Variants in APOOL observed in about 807,000 individuals in gnomAD.
The protein encoded by APOOL is MICOS complex subunit MIC27.
In APOOL, 12 loss-of-function variants were observed where a neutral mutation model predicts 23.1. That is an observed-to-expected ratio of 0.52 (90% CI 0.33 to 0.84). The LOEUF is 0.84. Among genes scored for constraint, APOOL ranks in the 40% least tolerant of loss-of-function variants. The pLI, the probability that APOOL is intolerant of heterozygous loss-of-function variation, is 0.02. For synonymous variants in APOOL, 77 were observed against 69.9 expected, an observed-to-expected ratio of 1.10 and a Z score of -0.51; for missense variants, 212 against 199.6, an observed-to-expected ratio of 1.06 and a Z score of -0.37.
intron 1 of APOOL, among the ~76,000 whole-genome samples, chrX:85,005,259 T>G (rs1239786728): frequency 9.0e-6 from 1 of 110,705 alleles, no homozygotes; most frequent in African/African-American, 3.3e-5. Flanking sequence ...TTCTCCTGCC[T>G]CAGTCTCCTG....
chrX:85,084,944 T>C (rs773279782), intron 8 of APOOL, among the ~76,000 whole-genome samples: 4 of 111,147 alleles, frequency 3.6e-5, no homozygotes, highest in Admixed American at 1.9e-4. Context: ...ATAAAACTTG[T>C]TGCACACTTT....
chrX:85,064,138 A>C (rs953585391), intron 5 of APOOL, among the ~76,000 whole-genome samples: 1 of 110,433 alleles, frequency 9.1e-6, no homozygotes, highest in Non-Finnish European at 1.9e-5. Flanking sequence ...ATTCATTTTT[A>C]GATTCTATAG....
intron 1 of APOOL, among the ~76,000 whole-genome samples, chrX:85,036,317 A>T (rs1336151603): frequency 8.9e-6 from 1 of 112,024 alleles, no homozygotes; most frequent in Non-Finnish European, 1.9e-5. Context: ...TGATTTTTCA[A>T]ATATTTATTT....
chrX:85,026,669 G>T (rs977774126), intron 1 of APOOL, among the ~76,000 whole-genome samples: 4 of 111,093 alleles, frequency 3.6e-5, no homozygotes, highest in African/African-American at 1.3e-4. Flanking sequence ...TACCAGATAG[G>T]CTAGGTCATC....
chrX:85,039,038 T>G (rs1490746764), intron 1 of APOOL, among the ~76,000 whole-genome samples: 1 of 110,876 alleles, frequency 9.0e-6, no homozygotes, highest in Non-Finnish European at 1.9e-5. Context: ...ATGTGGATTT[T>G]CAGTGCTATA....
chrX:85,010,199 A>G (rs913754157), intron 1 of APOOL, among the ~76,000 whole-genome samples: 2 of 111,763 alleles, frequency 1.8e-5, no homozygotes, highest in South Asian at 3.7e-4. Context: ...ACCGTCGTCA[A>G]TGTTTCAGAT....
intron 1 of APOOL, among the ~76,000 whole-genome samples, chrX:85,010,806 A>T (rs1348904008): frequency 2.7e-5 from 3 of 112,093 alleles, no homozygotes; most frequent in Non-Finnish European, 5.6e-5. Flanking sequence ...TGCTGTAAAC[A>T]TGCATGTGCA....
intron 1 of APOOL, among the ~76,000 whole-genome samples, chrX:85,023,992 C>T (rs1921757221): frequency 8.9e-6 from 1 of 111,774 alleles, no homozygotes; most frequent in Non-Finnish European, 1.9e-5. Flanking sequence ...TGTTTAGTGA[C>T]TTTCTTGGAC....
chrX:85,013,329 C>T (rs1402238394), intron 1 of APOOL, among the ~76,000 whole-genome samples: 1 of 110,823 alleles, frequency 9.0e-6, no homozygotes, highest in Non-Finnish European at 1.9e-5. Context: ...TTTATTTGGT[C>T]CTGCTCTGAT....
intron 6 of APOOL, among the ~76,000 whole-genome samples, chrX:85,070,703 G>T (rs1923636411): frequency 9.1e-6 from 1 of 109,847 alleles, no homozygotes; most frequent in South Asian, 4.0e-4. Context: ...TATATACCCA[G>T]AACTTGTTCA....
At chrX:85,055,636 T>C (rs1922934087) in intron 4 of APOOL, among the ~76,000 whole-genome samples, 191 bp from the exon 5 acceptor site, 1 of 111,857 alleles carries the variant, frequency 8.9e-6, no homozygotes, top group African/African-American at 3.2e-5. Context: ...AGGAAAATTT[T>C]ATTTTGTAAC....
intron 8 of APOOL, among the ~76,000 whole-genome samples, chrX:85,081,252 C>T (rs936474400): frequency 7.2e-5 from 8 of 111,547 alleles, no homozygotes; most frequent in African/African-American, 2.0e-4. Flanking sequence ...ATGTTTAGTG[C>T]TTCCTTCAGG....
chrX:85,009,845 T>A (rs374459087), intron 1 of APOOL, among the ~76,000 whole-genome samples: 11 of 111,086 alleles, frequency 9.9e-5, no homozygotes, highest in African/African-American at 3.6e-4. Context: ...TTGTAAGTTC[T>A]CATCATTTAA....
intron 1 of APOOL, among the ~76,000 whole-genome samples, chrX:85,046,048 T>C (rs1027256786): frequency 9.9e-5 from 11 of 111,362 alleles, no homozygotes; most frequent in East Asian, 2.8e-4. Flanking sequence ...TTCACTGATA[T>C]ATTCTAAGCA....
At chrX:85,044,354 T>G (rs1922502915) in intron 1 of APOOL, among the ~76,000 whole-genome samples, 1 of 109,774 alleles carries the variant, frequency 9.1e-6, no homozygotes, top group East Asian at 2.8e-4. Flanking sequence ...CTATTTCGGC[T>G]CGCTGCAACC....
intron 5 of APOOL, among the ~76,000 whole-genome samples, chrX:85,059,027 C>A (rs1168331722): frequency 1.4e-5 from 1 of 71,147 alleles, no homozygotes; most frequent in African/African-American, 5.5e-5. Flanking sequence ...TCCCTCCCCC[C>A]GCCCCCCACC....
In APOOL at chrX:85,089,659, A is replaced by G. The variant is rs747462313; in HGVS notation, c.*1981A>G. 7 of 110,982 alleles carry G rather than the reference A, an allele frequency of 6.3e-5. No individual in the cohort carries two copies. The highest frequency in any genetic ancestry group is 9.4e-5 in the Non-Finnish European group (5 of 53,043). The allele number at this position is 110,982 out of a possible 1,213,427, so 9.1% of individuals were successfully genotyped here. ...TTTATTATTCATATTTTCAACCCCC[A>G]TATCTCTCTAGTGCTGTAGACCTTT... On this transcript the variant is annotated 3_prime_UTR_variant, in exon 9 of 9. Transcript: ENST00000373173.
intron 8 of APOOL, among the ~76,000 whole-genome samples, chrX:85,078,304 A>G (rs1318100711): frequency 1.8e-5 from 2 of 112,052 alleles, no homozygotes; most frequent in Non-Finnish European, 3.8e-5. Context: ...AGCTTTCTAC[A>G]TATGACTAGC....
chrX:85,080,851 CTTCT>C (rs937345850), intron 8 of APOOL, among the ~76,000 whole-genome samples: 1 of 111,421 alleles, frequency 9.0e-6, no homozygotes, highest in African/African-American at 3.3e-5. Flanking sequence ...ATGTAATGGC[CTTCT>C]TTGTCTCTTT....
Sources: allele counts gnomAD v4.1 joint callset (sites outside exome capture counted in the v4.1 genomes callset), GRCh38; gene constraint gnomAD v4.1.1; transcripts MANE v1.5; gene names NCBI Gene and HGNC (gene_info 2026-07-23, HGNC 2026-07-21).